The following OSBP2 variants were observed in gnomAD, a reference collection of about 807,000 sequenced individuals.
The protein encoded by OSBP2 is oxysterol binding protein 2.
A neutral mutation model predicts 96.0 loss-of-function variants in OSBP2; 66 were observed. The ratio of observed to expected loss-of-function variants is 0.69; its 90% CI spans 0.56 to 0.84. OSBP2 has a LOEUF of 0.84. Among genes scored for constraint, OSBP2 ranks in the 40% least tolerant of loss-of-function variants. The pLI is 0.00. For synonymous variants in OSBP2, 525 were observed against 520.9 expected, an observed-to-expected ratio of 1.01 and a Z score of -0.11; for missense variants, 1,038 against 1,222.7, an observed-to-expected ratio of 0.85 and a Z score of 2.25.
At chr22:30,736,659 G>A (rs939475030) in intron 1 of OSBP2, among the ~76,000 whole-genome samples, 1 of 152,186 alleles carries the variant, frequency 6.6e-6, no homozygotes, top group South Asian at 2.1e-4. Context: ...GCTCCCCTTA[G>A]TGTTAACATC....
At chr22:30,875,413 C>A (rs1314486923) in intron 3 of OSBP2, among the ~76,000 whole-genome samples, 1 of 151,714 alleles carries the variant, frequency 6.6e-6, no homozygotes, top group Non-Finnish European at 1.5e-5. Context: ...GCTCTTGTTG[C>A]CCAGGCTGGA....
chr22:30,694,526 G>A (rs1184160798), upstream of OSBP2, among the ~76,000 whole-genome samples: 3 of 152,198 alleles, frequency 2.0e-5, no homozygotes, highest in African/African-American at 7.2e-5. Flanking sequence ...CCCGTGGGCA[G>A]AGCTGCGCTG....
intron 1 of OSBP2, among the ~76,000 whole-genome samples, chr22:30,714,096 A>G (rs1326138297): frequency 6.6e-6 from 1 of 152,058 alleles, no homozygotes; most frequent in African/African-American, 2.4e-5. Flanking sequence ...AATAACTACT[A>G]TGCTACTCTC....
intron 1 of OSBP2, among the ~76,000 whole-genome samples, chr22:30,712,641 C>T (rs915263462): frequency 3.9e-5 from 6 of 152,166 alleles, no homozygotes; most frequent in Admixed American, 3.9e-4. Context: ...GGAACTGGAG[C>T]GTCCAGGATC....
chr22:30,781,507 G>A (rs1002570336), intron 2 of OSBP2, among the ~76,000 whole-genome samples: 10 of 152,134 alleles, frequency 6.6e-5, no homozygotes, highest in Admixed American at 1.3e-4. Flanking sequence ...GTGGAGAGAC[G>A]CAGGAACACC....
intron 1 of OSBP2, among the ~76,000 whole-genome samples, chr22:30,700,933 C>CAA (rs769379004): frequency 2.8e-5 from 4 of 141,486 alleles, no homozygotes; most frequent in African/African-American, 1.0e-4. Context: ...TTACTATATA[C>CAA]AAAAAAAAAA....
At chr22:30,713,366 G>A (rs953882094) in intron 1 of OSBP2, among the ~76,000 whole-genome samples, 1 of 152,000 alleles carries the variant, frequency 6.6e-6, no homozygotes, top group African/African-American at 2.4e-5. Flanking sequence ...GTGAGCCACT[G>A]CACCCAGCTC....
chr22:30,875,568 C>T (rs561843190), intron 3 of OSBP2, among the ~76,000 whole-genome samples: 7 of 152,272 alleles, frequency 4.6e-5, no homozygotes, highest in Admixed American at 2.0e-4. Context: ...GAAGACGTTT[C>T]TCCATGTTGG....
Position 30,905,926 on chromosome 22 carries a change from T to C in OSBP2, c.2465T>C (p.Leu822Pro). Residue 822 changes from leucine to proline, a missense_variant, in exon 13 of 14, where the codon CTG becomes CCG. Transcript: ENST00000332585. ...GGCGTAGCGCCAACCGACAGCCGCC[T>C]GCGGCCCGACCAGCGGCTGATGGAG... ...EEGVAPTDSR[L>P]RPDQRLMEKG... is the part of the protein sequence containing the mutation. 6.2e-7 allele frequency: 1 copy of C among 1,612,938 alleles called. No homozygotes were observed. Among genetic ancestry groups the C allele is most frequent in the Admixed American group, 1.7e-5 (1 of 59,978 alleles).
chr22:30,774,747 G>A (rs2090406625), intron 2 of OSBP2, among the ~76,000 whole-genome samples: 1 of 152,158 alleles, frequency 6.6e-6, no homozygotes, highest in Admixed American at 6.5e-5. Context: ...ACAATATGTT[G>A]TGGATATTCC....
At chr22:30,749,397 C>A (rs1267906666) in intron 2 of OSBP2, among the ~76,000 whole-genome samples, 1 of 152,152 alleles carries the variant, frequency 6.6e-6, no homozygotes, top group Non-Finnish European at 1.5e-5. Context: ...AGTGCCCAAC[C>A]TCCTGGGAAT....
At chr22:30,753,272 T>C (rs1013944559) in intron 2 of OSBP2, among the ~76,000 whole-genome samples, 2 of 151,972 alleles carry the variant, frequency 1.3e-5, no homozygotes, top group African/African-American at 4.8e-5. Flanking sequence ...GATAGGATGT[T>C]ACTGGTGGGA....
intron 2 of OSBP2, among the ~76,000 whole-genome samples, chr22:30,788,043 A>C (rs1274542490): frequency 2.6e-5 from 4 of 152,166 alleles, no homozygotes; most frequent in Non-Finnish European, 4.4e-5. Flanking sequence ...CTGGGGTCTC[A>C]ATCATGTCAT....
intron 2 of OSBP2, among the ~76,000 whole-genome samples, chr22:30,761,480 A>G (rs1469425125): frequency 6.6e-6 from 1 of 152,260 alleles, no homozygotes; most frequent in African/African-American, 2.4e-5. Context: ...ATGGATCAGA[A>G]GATTCAAGAG....
At position 30,695,274 on chromosome 22, in the gene OSBP2, C is replaced by A; in HGVS notation, c.365C>A (p.Ala122Asp). Reference protein sequence around the residue: ...SGVGAGPFTKAASEPLSRAVG... With the variant: ...SGVGAGPFTKDASEPLSRAVG... ...GTAGGGGCTGGGCCCTTCACTAAGG[C>A]CGCATCGGAGCCGCTCTCCCGGGCG... The change falls in exon 1 of 14, where the codon GCC (alanine) becomes GAC (aspartate). Residue 122 changes from alanine to aspartate, a missense_variant. By Grantham distance (126) the Ala-to-Asp change is moderately radical. Around this residue, in one of 3 missense-constraint regions of OSBP2, gnomAD observed 281 missense variants for 273.4 expected, o/e 1.03. Coordinates refer to ENST00000332585, the MANE Select transcript of OSBP2 (RefSeq NM_030758.4). 6.2e-7 allele frequency: 1 copy of A among 1,613,376 alleles called. No homozygotes were observed. Among genetic ancestry groups the A allele is most frequent in the Non-Finnish European group, 8.5e-7 (1 of 1,180,018 alleles).
At chr22:30,776,262 A>G (rs939437748) in intron 2 of OSBP2, among the ~76,000 whole-genome samples, 1 of 151,586 alleles carries the variant, frequency 6.6e-6, no homozygotes, top group East Asian at 1.9e-4. Context: ...AGTAGCTGGG[A>G]CCACAGGTGC....
intron 2 of OSBP2, among the ~76,000 whole-genome samples, chr22:30,847,205 T>A (rs1243298515): frequency 6.6e-6 from 1 of 152,082 alleles, no homozygotes; most frequent in Non-Finnish European, 1.5e-5. Flanking sequence ...CTCAAACTCC[T>A]GAACTCAGGT....
chr22:30,845,144 A>T (rs1358372707), intron 2 of OSBP2, among the ~76,000 whole-genome samples: 1 of 152,234 alleles, frequency 6.6e-6, no homozygotes, highest in Non-Finnish European at 1.5e-5. Context: ...ATAATGAAAA[A>T]GTTTAGCCGG....
At chr22:30,787,912 G>A (rs1408580360) in intron 2 of OSBP2, among the ~76,000 whole-genome samples, 1 of 152,164 alleles carries the variant, frequency 6.6e-6, no homozygotes, top group Non-Finnish European at 1.5e-5. Flanking sequence ...GGGGCCCGTG[G>A]GTCTTAGTGA....
Sources: gnomAD v4.1 joint callset for allele counts (sites outside exome capture counted in the v4.1 genomes callset) on GRCh38, gnomAD v4.1.1 for gene constraint, gnomAD v4.1.1 regional missense constraint, MANE v1.5 for transcripts, NCBI Gene and HGNC (gene_info 2026-07-23, HGNC 2026-07-21) for gene names.